Variants in TMTC2 observed in about 807,000 individuals in gnomAD.
TMTC2 encodes transmembrane O-mannosyltransferase targeting cadherins 2.
TMTC2 carries 43 observed loss-of-function variants against 82.4 expected under a neutral mutation model. The observed-to-expected ratio is 0.52, with a 90% CI of 0.41 to 0.67. The LOEUF (loss-of-function observed/expected upper bound fraction) is 0.67. Among genes scored for constraint, TMTC2 ranks in the 30% least tolerant of loss-of-function variants. TMTC2 has a pLI of 0.00. For missense variants in TMTC2, 919 were observed against 1,012.4 expected (o/e 0.91, Z 1.25); for synonymous variants, 408 against 381.9 (o/e 1.07, Z -0.80).
At position 83,018,282 on chromosome 12, in the gene TMTC2, C is replaced by T. The variant is rs142561397; in HGVS notation, c.2071-12516C>T. On this transcript the variant is annotated intron_variant, in intron 8 of 11. Coordinates refer to ENST00000321196, the MANE Select transcript of TMTC2 (RefSeq NM_152588.3). ...CTCCTGCCTTTTCACTCTCACAAGA[C>T]AGCTTTTCTTACCATCCCCACAGGG... 8.8e-4 allele frequency among the ~76,000 whole-genome samples: 134 copies of T among 152,246 alleles called. 1 individual carries two copies. The highest frequency in any genetic ancestry group is 3.2e-3 in the African/African-American group (131 of 41,548).
chr12:83,097,488 A>G (rs964201370), intron 11 of TMTC2, among the ~76,000 whole-genome samples: 1 of 152,130 alleles, frequency 6.6e-6, no homozygotes, highest in Non-Finnish European at 1.5e-5. Context: ...CACTTCAAAC[A>G]CACCATGTAT....
chr12:82,768,424 T>A lies in TMTC2; in HGVS notation c.83+80755T>A, dbSNP rs1425235457. Among the ~76,000 whole-genome samples, 5 of 152,338 alleles carry A rather than the reference T, an allele frequency of 3.3e-5. No individual in the cohort carries two copies. In the East Asian group the frequency reaches 9.6e-4, roughly 29 times the overall value. The stretch of plus-strand genomic sequence containing the variant: ...GCTTGTAAAAGAGGCTGTGTGTGTG[T>A]TGGGCCTTCTAGCACAGCTGCTCTG... On this transcript the variant is annotated intron_variant, in intron 1 of 11. Transcript: ENST00000321196.
At chr12:83,115,782 CTGTTGTTGTTGT>C (rs374555944) in intron 11 of TMTC2, among the ~76,000 whole-genome samples, 5 of 151,344 alleles carry the variant, frequency 3.3e-5, no homozygotes, top group Admixed American at 6.6e-5. Flanking sequence ...ATTGTAGTTT[CTGTTGTTGTTGT>C]TGTTGTTGTT....
At chr12:82,861,556 TAGTA>T (rs1489796038) in intron 2 of TMTC2, among the ~76,000 whole-genome samples, 1 of 152,202 alleles carries the variant, frequency 6.6e-6, no homozygotes, top group African/African-American at 2.4e-5. Context: ...ATATGGGAAA[TAGTA>T]AGTTCTTGGC....
At chr12:82,803,306 G>A (rs918183403) in intron 1 of TMTC2, among the ~76,000 whole-genome samples, 8 of 152,108 alleles carry the variant, frequency 5.3e-5, no homozygotes, top group Non-Finnish European at 8.8e-5. Flanking sequence ...CCAGGCAGGA[G>A]CTGGGCTAGA....
Position 83,051,023 on chromosome 12 carries a change from G to GT in TMTC2, c.2267+12dup, listed in dbSNP as rs751936065. Reference sequence around the variant, plus strand: ...CAATGCTGCCCACATGCTCAGGTTAGTTTTTTTGCTGCTGTGCCTCAAAGC... The same window carrying GT: ...CAATGCTGCCCACATGCTCAGGTTAGTTTTTTTTGCTGCTGTGCCTCAAAGC... On this transcript the variant is annotated splice_donor_region_variant and intron_variant, in intron 10 of 11. Transcript: ENST00000321196. 3 of 1,599,254 alleles carry GT rather than the reference G, an allele frequency of 1.9e-6. No individual in the cohort carries two copies. In the South Asian group the frequency reaches 3.4e-5, roughly 18 times the overall value.
chr12:83,071,718 CT>C (rs1373381237), intron 11 of TMTC2, among the ~76,000 whole-genome samples: 5 of 151,950 alleles, frequency 3.3e-5, no homozygotes, highest in African/African-American at 4.8e-5. Flanking sequence ...CTAATTCTTC[CT>C]GATTTAAGCT....
chr12:83,015,401 T>C (rs1880632260), intron 8 of TMTC2, among the ~76,000 whole-genome samples: 1 of 152,212 alleles, frequency 6.6e-6, no homozygotes, highest in African/African-American at 2.4e-5. Flanking sequence ...GTCTGTTCAG[T>C]CCTTCTTGCA....
intron 8 of TMTC2, among the ~76,000 whole-genome samples, chr12:82,998,421 A>T (rs1049608212): frequency 3.3e-5 from 5 of 152,212 alleles, no homozygotes; most frequent in Non-Finnish European, 7.3e-5. Flanking sequence ...GCATTTAAGG[A>T]TGTATATGTA....
chr12:82,754,153 A>G (rs1023566307), intron 1 of TMTC2, among the ~76,000 whole-genome samples: 19 of 152,228 alleles, frequency 1.2e-4, no homozygotes, highest in Non-Finnish European at 2.5e-4. Flanking sequence ...GATCAGGAAT[A>G]AGGCATTTCT....
At chr12:83,104,964 T>A (rs1448076496) in intron 11 of TMTC2, among the ~76,000 whole-genome samples, 1 of 152,208 alleles carries the variant, frequency 6.6e-6, no homozygotes, top group African/African-American at 2.4e-5. Context: ...GCCAGACCAC[T>A]GCTTGAACAC....
chr12:82,805,594 G>A (rs1011518193), intron 1 of TMTC2, among the ~76,000 whole-genome samples: 2 of 139,386 alleles, frequency 1.4e-5, no homozygotes, highest in African/African-American at 5.5e-5. Context: ...TGTAAGCTCC[G>A]TCTCCGGGGT....
chr12:83,077,235 G>A (rs1380612286), intron 11 of TMTC2, among the ~76,000 whole-genome samples: 3 of 152,168 alleles, frequency 2.0e-5, no homozygotes, highest in Non-Finnish European at 4.4e-5. Context: ...AACTTCCACT[G>A]CGGCAGCCAT....
intron 3 of TMTC2, among the ~76,000 whole-genome samples, chr12:82,901,886 CTAT>C (rs75967112): frequency 6.6e-6 from 1 of 152,006 alleles, no homozygotes; most frequent in Non-Finnish European, 1.5e-5. Flanking sequence ...CTGTAATCAA[CTAT>C]TATTATACTG....
chr12:82,745,068 C>G (rs1875617431), intron 1 of TMTC2, among the ~76,000 whole-genome samples: 1 of 151,892 alleles, frequency 6.6e-6, no homozygotes, highest in African/African-American at 2.4e-5. Flanking sequence ...AATATAAATC[C>G]TTGTTTTATT....
chr12:83,103,602 C>T (rs971552303), intron 11 of TMTC2, among the ~76,000 whole-genome samples: 3 of 152,164 alleles, frequency 2.0e-5, no homozygotes, highest in African/African-American at 7.2e-5. Context: ...TTCCCAAACA[C>T]CTCGCAACAA....
At chr12:82,900,775 T>TATATAGGAATATATATACCTGGA (rs1873954386) in intron 3 of TMTC2, among the ~76,000 whole-genome samples, 10 of 109,780 alleles carry the variant, frequency 9.1e-5, no homozygotes, top group Non-Finnish European at 1.8e-4. Context: ...TAGAGAGGTA[T>TATATAGGAATATATATACCTGGA]ATATATAGGA....
At chr12:83,031,415 A>G (rs984682676) in intron 9 of TMTC2, among the ~76,000 whole-genome samples, 8 of 152,196 alleles carry the variant, frequency 5.3e-5, no homozygotes, top group Middle Eastern at 3.2e-3. Context: ...GGCCTTAATC[A>G]GTCTAGAATG....
chr12:82,726,747 T>C (rs939383041), intron 1 of TMTC2, among the ~76,000 whole-genome samples: 90 of 151,720 alleles, frequency 5.9e-4, no homozygotes, highest in African/African-American at 1.9e-3. Context: ...GGCGTGTTGG[T>C]GGGCGCCTGT....
Sources: allele counts gnomAD v4.1 joint callset (sites outside exome capture counted in the v4.1 genomes callset), GRCh38; gene constraint gnomAD v4.1.1; transcripts MANE v1.5; gene names NCBI Gene and HGNC (gene_info 2026-07-23, HGNC 2026-07-21).